Variants in FLNA observed in about 807,000 individuals in gnomAD.
FLNA encodes the protein filamin-A.
FLNA carries 7 observed loss-of-function variants against 157.6 expected under a neutral mutation model. The observed-to-expected ratio is 0.04, with a 90% CI of 0.03 to 0.08. The LOEUF (loss-of-function observed/expected upper bound fraction) is 0.08. FLNA is among the 10% of genes least tolerant of loss of function. The probability of loss-of-function intolerance (pLI) is 1.00; values close to 1 mark genes in which losing one functional copy is unlikely to be tolerated. For synonymous variants in FLNA, 1,103 were observed against 1,060.8 expected (o/e 1.04, Z -0.77); for missense variants, 1,750 against 2,398.4 (o/e 0.73, Z 5.65).
rs782275601 is a variant in FLNA at position 154,351,928 on chromosome X, C to T, written c.6863G>A (p.Arg2288His). 1.1e-4 allele frequency: 132 copies of T among 1,210,113 alleles called. No homozygotes were observed. Among genetic ancestry groups the T allele is most frequent in the Non-Finnish European group, 1.4e-4 (125 of 895,064 alleles). ...PSKAEISFED[R>H]KDGSCGVAYV... ...AGCCACACCACAGGAGCCGTCCTTG[C>T]GGTCCTCAAAAGAGATCTCAGCCTT... Residue 2288 changes from arginine to histidine, a missense_variant, in exon 42 of 48, where the codon CGC becomes CAC. Around this residue, in one of 5 missense-constraint regions of FLNA, gnomAD observed 970 missense variants for 1,302.6 expected, o/e 0.74. Transcript: ENST00000369850.
intron 47 of FLNA, 79 bp downstream of exon 47, chrX:154,349,283 G>T: frequency 9.4e-7 from 1 of 1,062,449 alleles, no homozygotes; most frequent in Non-Finnish European, 1.3e-6. Flanking sequence ...GGCGGTCCCT[G>T]CTCTCCCAGA....
chrX:154,359,901 G>A lies in FLNA; in HGVS notation c.3810C>T (p.Val1270=). Reference sequence around the variant, plus strand: ...TGAACTCAGTGGTGGCCTCACGGAAGACACCTGCAAAGGCACAGAGAGGAG... The same window carrying A: ...TGAACTCAGTGGTGGCCTCACGGAAAACACCTGCAAAGGCACAGAGAGGAG... ...CYGPGIEGQG[V]FREATTEFSV... is the part of the protein sequence containing the mutation. Residue 1270 remains valine (V), a synonymous_variant, in exon 23 of 48, where the codon GTC becomes GTT. Coordinates refer to ENST00000369850, the MANE Select transcript of FLNA (RefSeq NM_001110556.2). 1 of 1,210,860 alleles carries A rather than the reference G, an allele frequency of 8.3e-7. No individual in the cohort carries two copies. Among genetic ancestry groups the A allele is most frequent in the Non-Finnish European group, 1.1e-6 (1 of 895,320 alleles).
intron 35 of FLNA, 30 bp downstream of exon 35, chrX:154,353,885 G>A: frequency 1.7e-6 from 2 of 1,211,086 alleles, no homozygotes; most frequent in Non-Finnish European, 2.2e-6. Flanking sequence ...CCCGGGCACA[G>A]AGCAGGTCAA....
rs782080545 is a variant in FLNA, at chrX:154,359,090, G to C, written c.4368C>G (p.Pro1456=). The change falls in exon 26 of 48, where the codon CCC becomes CCG. Residue 1456 remains proline (P), a synonymous_variant. Transcript: ENST00000369850. ...TDASKVKCSG[P]GLSPGMVRAN... ...CACGAACCATGCCTGGGCTCAGGCCGGGCCCAGAGCACTTGACCTTGGACG... is the reference window on the plus strand; with the variant it reads ...CACGAACCATGCCTGGGCTCAGGCCCGGCCCAGAGCACTTGACCTTGGACG... 5 of 1,210,742 alleles carry C rather than the reference G, an allele frequency of 4.1e-6. No homozygotes were observed. The highest frequency in any genetic ancestry group is 4.3e-5 in the Admixed American group (2 of 46,145).
intron 11 of FLNA, 21 bp from the exon 12 acceptor site, chrX:154,364,978 C>G (rs370370918): frequency 5.0e-6 from 6 of 1,211,053 alleles, no homozygotes; most frequent in East Asian, 3.0e-5. Flanking sequence ...GAGAGCCACA[C>G]AGGGAACACC....
intron 2 of FLNA, among the ~76,000 whole-genome samples, chrX:154,370,477 C>A (rs2067796624): frequency 8.9e-6 from 1 of 112,635 alleles, no homozygotes; most frequent in Non-Finnish European, 1.9e-5. Context: ...GGCCAGAGGG[C>A]CCTCTCTAAA....
At position 154,353,196 on chromosome X, in the gene FLNA, A is replaced by G; in HGVS notation, c.6031T>C (p.Phe2011Leu). 1 of 1,211,643 alleles carries G rather than the reference A, an allele frequency of 8.3e-7. No individual in the cohort carries two copies. Among genetic ancestry groups the G allele is most frequent in the African/African-American group, 1.7e-5 (1 of 57,854 alleles). The part of the protein sequence containing the change: ...RLRNGHVGIS[F>L]VPKETGEHLV... ...TGCTCCCCCGTCTCCTTGGGCACGAATGAAATCCCTGGACACAGGGCATGG... is the reference window on the plus strand; with the variant it reads ...TGCTCCCCCGTCTCCTTGGGCACGAGTGAAATCCCTGGACACAGGGCATGG... The change falls in exon 38 of 48, where the codon TTC (phenylalanine) becomes CTC (leucine). Residue 2011 changes from phenylalanine to leucine, a missense_variant. By Grantham distance (22) the Phe-to-Leu change is conservative. This residue lies in a region of FLNA where 970 missense variants were observed against 1,302.6 expected (regional missense o/e 0.74). Transcript: ENST00000369850.
chrX:154,355,627 T>A (rs1364448973), intron 30 of FLNA, among the ~76,000 whole-genome samples: 1 of 110,546 alleles, frequency 9.0e-6, no homozygotes, highest in Non-Finnish European at 1.9e-5. Flanking sequence ...CAGACAGGAG[T>A]GGGAGCGGGG....
In FLNA at chrX:154,357,442, G is replaced by C; in HGVS notation, c.4937C>G (p.Thr1646Ser). The part of the protein sequence containing the change: ...AVPTGDASKC[T>S]VTVSIGGHGL... ...ACAGCGGGCGGGCTCACCTGTGACAGTGCACTTGCTGGCGTCCCCGGTGGG... is the reference window on the plus strand; with the variant it reads ...ACAGCGGGCGGGCTCACCTGTGACACTGCACTTGCTGGCGTCCCCGGTGGG... Residue 1646 changes from threonine (T) to serine (S), a missense_variant, in exon 29 of 48, where the codon ACT becomes AGT. Transcript: ENST00000369850. 1 of 1,208,833 alleles carries C rather than the reference G, an allele frequency of 8.3e-7. No individual in the cohort carries two copies. Among genetic ancestry groups the C allele is most frequent in the Non-Finnish European group, 1.1e-6 (1 of 893,014 alleles).
chrX:154,374,168 G>A (rs947485805), intron 1 of FLNA, among the ~76,000 whole-genome samples: 11 of 112,421 alleles, frequency 9.8e-5, no homozygotes, highest in African/African-American at 3.6e-4. Flanking sequence ...AGTTCCTGGT[G>A]TCAGGGCCCT....
In FLNA at chrX:154,358,073, CAG is replaced by C. The variant is rs1876411284; in HGVS notation, c.4755+124_4755+125del. On this transcript the variant is annotated intron_variant, in intron 28 of 47. Transcript: ENST00000369850. ...AGTCACAACCTTAGCAAACCAAAGA[CAG>C]GGGCCCTGTCCTTCCCTGCCCTCCT... The C allele has an allele frequency of 5.0e-6, 4 of 794,808 alleles. No individual in the cohort carries two copies. The South Asian group carries it at 6.5e-5, about 13-fold the overall frequency. The allele number at this position is 794,808 out of a possible 1,213,427, so 65.5% of individuals were successfully genotyped here.
Position 154,362,674 on chromosome X carries a change from G to A in FLNA, c.2391C>T (p.Ala797=), listed in dbSNP as rs918799305. ...GCCAGGCCTTACCCTGGCCAGCCTC[G>A]GCGCAGTCCACAGTGAAGTAGGTGG... ...HEPTYFTVDC[A]EAGQGDVSIG... is the part of the protein sequence containing the mutation. Residue 797 remains alanine, a synonymous_variant, in exon 16 of 48, where the codon GCC becomes GCT. Coordinates refer to ENST00000369850, the MANE Select transcript of FLNA (RefSeq NM_001110556.2). The A allele has an allele frequency of 1.2e-5, 14 of 1,209,394 alleles. No homozygotes were observed. The East Asian group carries it at 2.4e-4, about 20-fold the overall frequency.
intron 5 of FLNA, 56 bp from the exon 6 acceptor site, chrX:154,366,906 C>T: frequency 2.1e-6 from 2 of 960,364 alleles, no homozygotes; most frequent in Admixed American, 2.2e-5. Flanking sequence ...CAGCCTCACC[C>T]CTCCACCCTT....
At position 154,354,054 on chromosome X, in the gene FLNA, AAGAAG is replaced by A. The variant is rs2067643476; in HGVS notation, c.5558-16_5558-12del. 1 of 1,210,757 alleles carries A rather than the reference AAGAAG, an allele frequency of 8.3e-7. No homozygotes were observed. Among genetic ancestry groups the A allele is most frequent in the Admixed American group, 2.2e-5 (1 of 45,995 alleles). ...ACTGCAAGGGGCTTCCTGAGGCAGGAAGAAGGGCCTTGTGGAATGGCAGCCTCGTG... is the reference window on the plus strand; with the variant it reads ...ACTGCAAGGGGCTTCCTGAGGCAGGAGGCCTTGTGGAATGGCAGCCTCGTG... On this transcript the variant is annotated splice_polypyrimidine_tract_variant and intron_variant, in intron 34 of 47. Transcript: ENST00000369850.
rs743546 is a variant in FLNA, at chrX:154,365,206, C to T, written c.1621G>A (p.Glu541Lys). 24 of 1,210,090 alleles carry T rather than the reference C, an allele frequency of 2.0e-5. No homozygotes were observed. Among genetic ancestry groups the T allele is most frequent in the Admixed American group, 2.0e-4 (9 of 45,954 alleles). ...GTTCCAGGGACCATGGGGTAATACT[C>T]GAAGCCATACACGCCATCCCCCAGG... Reference protein sequence around the residue: ...KDLGDGVYGFEYYPMVPGTYI... With the variant: ...KDLGDGVYGFKYYPMVPGTYI... The change falls in exon 11 of 48, where the codon GAG (glutamate) becomes AAG (lysine). Residue 541 changes from glutamate to lysine, a missense_variant. Glu to Lys is a moderately conservative substitution (Grantham distance 56). Coordinates refer to ENST00000369850, the MANE Select transcript of FLNA (RefSeq NM_001110556.2).
chrX:154,348,765 TG>T lies in FLNA; in HGVS notation c.*83del. On this transcript the variant is annotated 3_prime_UTR_variant, in exon 48 of 48. Coordinates refer to ENST00000369850, the MANE Select transcript of FLNA (RefSeq NM_001110556.2). Reference sequence around the variant, plus strand: ...TGACAGGCGGGCGGCCAGGGCGGCCTGGGCCGGGGTTGAGGGGAAGAGGGCG... The same window carrying T: ...TGACAGGCGGGCGGCCAGGGCGGCCTGGCCGGGGTTGAGGGGAAGAGGGCG... 1 of 984,709 alleles carries T rather than the reference TG, an allele frequency of 1.0e-6. No individual in the cohort carries two copies. The highest frequency in any genetic ancestry group is 1.4e-6 in the Non-Finnish European group (1 of 722,961). 81.2% of individuals were successfully genotyped at this position (984,709 alleles called of 1,213,427 possible).
At chrX:154,352,492 C>T (rs782501784) in intron 40 of FLNA, 45 bp from the exon 41 acceptor site, 1 of 1,211,475 alleles carries the variant, frequency 8.3e-7, no homozygotes, top group South Asian at 1.8e-5. Context: ...CTGGGCTCCA[C>T]CCCTCCTCTT....
Position 154,366,786 on chromosome X carries a change from A to C in FLNA, c.933T>G (p.Ala311=), listed in dbSNP as rs782592312. 8 of 1,211,634 alleles carry C rather than the reference A, an allele frequency of 6.6e-6. No individual in the cohort carries two copies. Among genetic ancestry groups the C allele is most frequent in the Non-Finnish European group, 8.9e-6 (8 of 895,355 alleles). ...CGTACACCAGCACCTCTCCCTGGCC[A>C]GCACTTCTGGTCTCCACAGTGAACT... ...RAEFTVETRS[A]GQGEVLVYVE... Residue 311 remains alanine (A), a synonymous_variant, in exon 6 of 48, where the codon GCT becomes GCG. Transcript: ENST00000369850.
Position 154,365,377 on chromosome X carries a change from C to T in FLNA, c.1539G>A (p.Gly513=), listed in dbSNP as rs781826402. ...FKVYTKGAGS[G]ELKVTVKGPK... is the part of the protein sequence containing the mutation. ...GGCCCTTCACGGTGACCTTCAGCTCCCCACTGCCAGCGCCCTTTGTGTACA... is the reference window on the plus strand; with the variant it reads ...GGCCCTTCACGGTGACCTTCAGCTCTCCACTGCCAGCGCCCTTTGTGTACA... Residue 513 remains glycine (G), a synonymous_variant, in exon 10 of 48, where the codon GGG becomes GGA. Coordinates refer to ENST00000369850, the MANE Select transcript of FLNA (RefSeq NM_001110556.2). 1.7e-6 allele frequency: 2 copies of T among 1,211,947 alleles called. No homozygotes were observed. Among genetic ancestry groups the T allele is most frequent in the East Asian group, 3.0e-5 (1 of 33,842 alleles).
Sources: allele counts gnomAD v4.1 joint callset (sites outside exome capture counted in the v4.1 genomes callset), GRCh38; gene constraint gnomAD v4.1.1; regional missense constraint gnomAD v4.1.1; transcripts MANE v1.5; gene names NCBI Gene and HGNC (gene_info 2026-07-23, HGNC 2026-07-21).